The following ELFN2 variants were observed in gnomAD, a reference collection of about 807,000 sequenced individuals.
The protein encoded by ELFN2 is protein phosphatase 1 regulatory subunit 29.
A neutral mutation model predicts 45.5 loss-of-function variants in ELFN2; 17 were observed. That is an observed-to-expected ratio of 0.37 (90% CI 0.26 to 0.56). The LOEUF (loss-of-function observed/expected upper bound fraction) is 0.56, where lower values mean the gene tolerates loss of function less well. ELFN2 is among the 20% of genes least tolerant of loss of function. The pLI, the probability that ELFN2 is intolerant of heterozygous loss-of-function variation, is 0.77. For missense variants in ELFN2, 922 were observed against 1,183.2 expected (o/e 0.78, Z 3.24); for synonymous variants, 550 against 551.5 (o/e 1.00, Z 0.04).
chr22:37,418,926 G>C (rs559895360), intron 1 of ELFN2: 1 of 152,154 alleles, frequency 6.6e-6, no homozygotes, highest in East Asian at 2.0e-4. Flanking sequence ...GCGGAACCTC[G>C]TCTCCATCTG....
In ELFN2 at chr22:37,378,009, G is replaced by C. The variant is rs1407107812; in HGVS notation, c.-462-2013C>G. The stretch of plus-strand genomic sequence containing the variant: ...ACTTCAGAGATCCACGAGCCGGCCT[G>C]TCAGAGAACCCTCGTCTGCTCCAAT... On this transcript the variant is annotated intron_variant, in intron 2 of 2. Transcript: ENST00000402918. Among the ~76,000 whole-genome samples, 3 of 152,232 alleles carry C rather than the reference G, an allele frequency of 2.0e-5. No individual in the cohort carries two copies. The East Asian group carries it at 5.8e-4, about 29-fold the overall frequency.
At chr22:37,406,441 C>A (rs952847588) in intron 2 of ELFN2, among the ~76,000 whole-genome samples, 1 of 152,174 alleles carries the variant, frequency 6.6e-6, no homozygotes, top group Non-Finnish European at 1.5e-5. Context: ...CCCTCCCTGG[C>A]GCTCCCCCAT....
At chr22:37,344,399 C>A (rs1930646597) in intron 1 of ELFN2, among the ~76,000 whole-genome samples, 1 of 151,996 alleles carries the variant, frequency 6.6e-6, no homozygotes, top group Admixed American at 6.5e-5. Context: ...GCCCTGACCC[C>A]ATCCCAAACC....
At chr22:37,426,517 C>T (rs1476379778) in intron 1 of ELFN2, among the ~76,000 whole-genome samples, 2 of 151,960 alleles carry the variant, frequency 1.3e-5, no homozygotes, top group East Asian at 3.9e-4. Flanking sequence ...ACACACAGCA[C>T]GCACAATCCT....
intron 1 of ELFN2, among the ~76,000 whole-genome samples, chr22:37,356,123 A>G (rs1930944064): frequency 6.6e-6 from 1 of 152,138 alleles, no homozygotes; most frequent in Non-Finnish European, 1.5e-5. Context: ...AAGGGTCGTT[A>G]CGGAGGTCAC....
At chr22:37,356,384 C>T (rs1195369390) in intron 1 of ELFN2, among the ~76,000 whole-genome samples, 3 of 152,136 alleles carry the variant, frequency 2.0e-5, no homozygotes, top group African/African-American at 7.2e-5. Context: ...CAGGATGGGG[C>T]ATATGCGCCA....
chr22:37,407,081 T>C (rs133741), intron 2 of ELFN2, among the ~76,000 whole-genome samples: 151,785 of 152,360 alleles, frequency 1, 75,607 homozygotes, highest in Middle Eastern at 1. Context: ...CAGAGGGAAG[T>C]TTCTGGATCA....
chr22:37,367,730 G>GC (rs1931238091), downstream of ELFN2, among the ~76,000 whole-genome samples: 1 of 152,184 alleles, frequency 6.6e-6, no homozygotes, highest in South Asian at 2.1e-4. Flanking sequence ...ATCAGACGGC[G>GC]CAGTGTCTGG....
intron 2 of ELFN2, among the ~76,000 whole-genome samples, chr22:37,415,632 C>T (rs1932752124): frequency 6.6e-6 from 1 of 152,182 alleles, no homozygotes; most frequent in Admixed American, 6.5e-5. Context: ...GGCTTCCCTA[C>T]GCGTGTCAGG....
chr22:37,373,069 G>T lies in ELFN2; in HGVS notation c.*3C>A, dbSNP rs569458468. The T allele has an allele frequency of 2.0e-5, 32 of 1,583,216 alleles. No individual in the cohort carries two copies. Among genetic ancestry groups the T allele is most frequent in the African/African-American group, 2.0e-4 (15 of 74,640 alleles). ...CCGACCTCACCAGGGAGGAAGGGGG[G>T]GGTCACAGCTTCTGCTGGGCGGAGA... On this transcript the variant is annotated 3_prime_UTR_variant, in exon 3 of 3. Coordinates refer to ENST00000402918, the MANE Select transcript of ELFN2 (RefSeq NM_052906.5).
At position 37,374,870 on chromosome 22, in the gene ELFN2, G is replaced by T; in HGVS notation, c.665C>A (p.Ala222Asp). ...CCGGGGCACCAGCAGCGGGTAGCCGGCAAACTCCCGCGGCGACTCACACTG... is the reference window on the plus strand; with the variant it reads ...CCGGGGCACCAGCAGCGGGTAGCCGTCAAACTCCCGCGGCGACTCACACTG... ...RLQCESPREF[A>D]GYPLLVPRPY... Residue 222 changes from alanine to aspartate, a missense_variant, in exon 3 of 3, where the codon GCC (alanine) becomes GAC (aspartate). This residue lies in a region of ELFN2 where 358 missense variants were observed against 540.4 expected (regional missense o/e 0.66). Coordinates refer to ENST00000402918, the MANE Select transcript of ELFN2 (RefSeq NM_052906.5). 2 of 1,609,474 alleles carry T rather than the reference G, an allele frequency of 1.2e-6. No individual in the cohort carries two copies. Among genetic ancestry groups the T allele is most frequent in the Non-Finnish European group, 8.5e-7 (1 of 1,179,802 alleles).
At position 37,372,870 on chromosome 22, in the gene ELFN2, CT is replaced by C; in HGVS notation, c.*201del. ...TTAAGGAAAATGTGTCTCTGTTTTC[CT>C]GTCCGTTATTGTCGGATGTTGGTTT... On this transcript the variant is annotated 3_prime_UTR_variant, in exon 3 of 3. Coordinates refer to ENST00000402918, the MANE Select transcript of ELFN2 (RefSeq NM_052906.5). The surrounding 1 kb of genome is among the most constrained non-coding windows in gnomAD (Gnocchi z 4.4). The C allele has an allele frequency of 1.7e-6, 1 of 592,036 alleles. No homozygotes were observed. 36.7% of individuals were successfully genotyped at this position (592,036 alleles called of 1,614,324 possible).
At chr22:37,394,037 G>A (rs1932148685) in intron 2 of ELFN2, among the ~76,000 whole-genome samples, 1 of 152,226 alleles carries the variant, frequency 6.6e-6, no homozygotes, top group African/African-American at 2.4e-5. Context: ...TGCGACTGAT[G>A]TCCACAGGCC....
intron 2 of ELFN2, among the ~76,000 whole-genome samples, chr22:37,414,048 G>A (rs187253284): frequency 1.3e-5 from 2 of 152,262 alleles, no homozygotes; most frequent in East Asian, 1.9e-4. Flanking sequence ...TGGGAATAAC[G>A]AGACTGACCT....
intron 2 of ELFN2, among the ~76,000 whole-genome samples, chr22:37,383,229 C>A (rs1031116158): frequency 6.6e-6 from 1 of 152,158 alleles, no homozygotes; most frequent in Non-Finnish European, 1.5e-5. Flanking sequence ...GGCTGGGCTC[C>A]CTGCTTCTGT....
At position 37,373,838 on chromosome 22, in the gene ELFN2, C is replaced by A. The variant is rs577460497; in HGVS notation, c.1697G>T (p.Gly566Val). ...KLDSASFLGG[G>V]SSSGDPELAF... ...CAGCTCGGGGTCCCCACTGCTGCTG[C>A]CGCCTCCCAGAAAAGAGGCCGAGTC... The change falls in exon 3 of 3, where the codon GGC becomes GTC. Residue 566 changes from glycine to valine, a missense_variant. Physicochemically the swap from Gly to Val is moderately radical, Grantham distance 109 (BLOSUM62 -3). Around this residue, in one of 2 missense-constraint regions of ELFN2, gnomAD observed 564 missense variants for 642.8 expected, o/e 0.88. Coordinates refer to ENST00000402918, the MANE Select transcript of ELFN2 (RefSeq NM_052906.5). 1 of 1,613,030 alleles carries A rather than the reference C, an allele frequency of 6.2e-7. No homozygotes were observed. The highest frequency in any genetic ancestry group is 1.7e-5 in the Admixed American group (1 of 60,030).
chr22:37,415,988 G>T (rs1932756334), intron 2 of ELFN2, among the ~76,000 whole-genome samples: 1 of 152,138 alleles, frequency 6.6e-6, no homozygotes, highest in East Asian at 1.9e-4. Context: ...TAATGATGAT[G>T]GTGGTGGTGG....
At chr22:37,361,221 G>A (rs138824024) in intron 1 of ELFN2, among the ~76,000 whole-genome samples, 411 of 152,254 alleles carry the variant, frequency 2.7e-3, no homozygotes, top group African/African-American at 8.1e-3. Flanking sequence ...GAAAAGCAAT[G>A]GGGCCATGAG....
rs763220506 is a variant in ELFN2, at chr22:37,373,536, C to T, written c.1999G>A (p.Gly667Ser). ...TCCAGCGGGCTGTTGAGGGGGCTGC[C>T]CTTCTCGATGTACTTGGAGTCGCCC... ...AKGDSKYIEK[G>S]SPLNSPLDRL... is the part of the protein sequence containing the mutation. The change falls in exon 3 of 3, where the codon GGC becomes AGC. Residue 667 changes from glycine (G) to serine (S), a missense_variant. Physicochemically the swap from Gly to Ser is moderately conservative, Grantham distance 56. This residue lies in a region of ELFN2 where 564 missense variants were observed against 642.8 expected (regional missense o/e 0.88). Transcript: ENST00000402918. 1 of 1,583,030 alleles carries T rather than the reference C, an allele frequency of 6.3e-7. No homozygotes were observed. Among genetic ancestry groups the T allele is most frequent in the East Asian group, 2.3e-5 (1 of 43,702 alleles).
Sources: gnomAD v4.1 joint callset for allele counts (sites outside exome capture counted in the v4.1 genomes callset) on GRCh38, gnomAD v4.1.1 for gene constraint, gnomAD v4.1.1 regional missense constraint, Gnocchi (gnomAD v3.1) non-coding constraint, MANE v1.5 for transcripts, NCBI Gene and HGNC (gene_info 2026-07-23, HGNC 2026-07-21) for gene names.